The following PHF21B variants were observed in gnomAD, a reference collection of about 807,000 sequenced individuals.
PHF21B encodes the protein PHD finger protein 4.
A neutral mutation model predicts 62.2 loss-of-function variants in PHF21B; 22 were observed. That is an observed-to-expected ratio of 0.35 (90% CI 0.25 to 0.51). PHF21B has a LOEUF of 0.51. Among genes scored for constraint, PHF21B ranks in the 20% least tolerant of loss-of-function variants. The probability of loss-of-function intolerance (pLI) is 0.97; values close to 1 mark genes in which losing one functional copy is unlikely to be tolerated. For synonymous variants in PHF21B, 341 were observed against 314.7 expected, an observed-to-expected ratio of 1.08 and a Z score of -0.88; for missense variants, 701 against 707.9, an observed-to-expected ratio of 0.99 and a Z score of 0.11.
intron 5 of PHF21B, among the ~76,000 whole-genome samples, chr22:44,899,667 CTCT>C (rs1232888654): frequency 1.3e-5 from 2 of 151,754 alleles, no homozygotes; most frequent in Non-Finnish European, 2.9e-5. Flanking sequence ...CTTCCTTCTC[CTCT>C]TCTTCTGTCT....
chr22:44,896,634 T>C (rs534374775), intron 5 of PHF21B, among the ~76,000 whole-genome samples: 46 of 152,332 alleles, frequency 3.0e-4, no homozygotes, highest in African/African-American at 9.9e-4. Context: ...TAATAATAAA[T>C]TGAACATCAT....
chr22:44,922,031 G>C (rs965288032), intron 2 of PHF21B, among the ~76,000 whole-genome samples: 1 of 152,198 alleles, frequency 6.6e-6, no homozygotes, highest in South Asian at 2.1e-4. Context: ...GGAACCCCTT[G>C]CTCAGATCCA....
intron 5 of PHF21B, among the ~76,000 whole-genome samples, chr22:44,903,507 G>A (rs2147277487): frequency 2.0e-5 from 3 of 152,186 alleles, no homozygotes; most frequent in Middle Eastern, 6.8e-3. Flanking sequence ...GTTTATAGGG[G>A]ATGCAGGGGG....
intron 6 of PHF21B, among the ~76,000 whole-genome samples, 186 bp downstream of exon 6, chr22:44,895,846 G>C (rs1431868717): frequency 6.6e-6 from 1 of 152,180 alleles, no homozygotes; most frequent in Non-Finnish European, 1.5e-5. Context: ...CTGCGAGGTG[G>C]TTTATACACA....
At chr22:44,913,374 C>G (rs747819488) in intron 5 of PHF21B, among the ~76,000 whole-genome samples, 1 of 152,142 alleles carries the variant, frequency 6.6e-6, no homozygotes. Context: ...GGCCCATAGC[C>G]GGGGCCCCTA....
chr22:44,918,524 C>T (rs1017141331), intron 3 of PHF21B, among the ~76,000 whole-genome samples: 2 of 152,204 alleles, frequency 1.3e-5, no homozygotes, highest in Non-Finnish European at 2.9e-5. Context: ...GGGAAGCCCC[C>T]GGGTCCACCC....
Position 44,916,632 on chromosome 22 carries a change from TG to T in PHF21B, c.214-3del. ...TGGAATCAGAGTCTTTGGCCTAACC[TG>T]GGAAGAAGGGACAGGTATGTGGTCA... is the stretch of plus-strand genomic sequence containing the variant. On this transcript the variant is annotated splice_polypyrimidine_tract_variant and splice_region_variant and intron_variant, in intron 3 of 12. Coordinates refer to ENST00000313237, the MANE Select transcript of PHF21B (RefSeq NM_138415.5). The T allele has an allele frequency of 1.2e-6, 2 of 1,600,242 alleles. No individual in the cohort carries two copies. Among genetic ancestry groups the T allele is most frequent in the Non-Finnish European group, 1.7e-6 (2 of 1,179,680 alleles).
Position 44,883,168 on chromosome 22 carries a change from G to A in PHF21B, c.1514C>T (p.Ala505Val), listed in dbSNP as rs1320665362. The A allele has an allele frequency of 1.2e-6, 2 of 1,613,254 alleles. No individual in the cohort carries two copies. Among genetic ancestry groups the A allele is most frequent in the Non-Finnish European group, 1.7e-6 (2 of 1,179,970 alleles). Residue 505 changes from alanine to valine, a missense_variant, in exon 13 of 13, where the codon GCC becomes GTC. By Grantham distance (64) the Ala-to-Val change is moderately conservative (BLOSUM62 0). Coordinates refer to ENST00000313237, the MANE Select transcript of PHF21B (RefSeq NM_138415.5). The part of the protein sequence containing the change: ...LQVTMTTTSP[A>V]PLLAGPWTKP... ...GGTCCAGGGCCCGGCCAGCAGTGGG[G>A]CAGGGCTAGTGGTCGTCATGGTGAC...
rs557840596 is a variant in PHF21B, at chr22:44,933,644, G to A, written c.121-13154C>T. ...TGGGGTGGGGGAGCCGTCTGAGGTT[G>A]GTCACGCACCTCCATGCCTAGTTCA... is the stretch of plus-strand genomic sequence containing the variant. On this transcript the variant is annotated intron_variant, in intron 2 of 12. Transcript: ENST00000313237. 243 of 455,098 alleles carry A rather than the reference G, an allele frequency of 5.3e-4. 1 individual carries two copies. In the Middle Eastern group the frequency reaches 7.7e-3, roughly 15 times the overall value. 28.2% of individuals were successfully genotyped at this position (455,098 alleles called of 1,614,324 possible).
At chr22:44,907,738 C>T (rs181992668) in intron 5 of PHF21B, among the ~76,000 whole-genome samples, 2 of 152,298 alleles carry the variant, frequency 1.3e-5, no homozygotes, top group East Asian at 3.9e-4. Context: ...CACGCTGAAA[C>T]AGACGGTAAA....
At chr22:44,915,750 C>G (rs1207262805) in intron 4 of PHF21B, among the ~76,000 whole-genome samples, 1 of 152,198 alleles carries the variant, frequency 6.6e-6, no homozygotes, top group African/African-American at 2.4e-5. Flanking sequence ...TGAGGCAGCC[C>G]CGAAGGCCTC....
rs934180331 is a variant in PHF21B at position 44,925,078 on chromosome 22, T to C, written c.121-4588A>G. ...AATATCCATACTGTATGATGCTAGTTATACGAAATTCTGAAAATGGCAAAC... is the reference window on the plus strand; with the variant it reads ...AATATCCATACTGTATGATGCTAGTCATACGAAATTCTGAAAATGGCAAAC... On this transcript the variant is annotated intron_variant, in intron 2 of 12. Transcript: ENST00000313237. Among the ~76,000 whole-genome samples the C allele has an allele frequency of 4.6e-5, 7 of 152,218 alleles. No homozygotes were observed. In the South Asian group the frequency reaches 1.4e-3, roughly 32 times the overall value.
At chr22:44,915,805 C>T (rs536834189) in intron 4 of PHF21B, among the ~76,000 whole-genome samples, 2 of 152,254 alleles carry the variant, frequency 1.3e-5, no homozygotes, top group African/African-American at 4.8e-5. Context: ...AGCGGGAGGA[C>T]CTTAGTTTTA....
rs1409926630 is a variant in PHF21B, at chr22:45,009,173, C to T, written c.54+323G>A. ...GCCGGAAGGGGGCCTATTCGCACTCCCCTCCCCGGGACCGGCTCACGAAGG... is the reference window on the plus strand; with the variant it reads ...GCCGGAAGGGGGCCTATTCGCACTCTCCTCCCCGGGACCGGCTCACGAAGG... On this transcript the variant is annotated intron_variant, in intron 1 of 12. Coordinates refer to ENST00000313237, the MANE Select transcript of PHF21B (RefSeq NM_138415.5). This position sits in a 1 kb window ranked among gnomAD's most constrained non-coding sequence, Gnocchi z 5.9. 3 of 447,458 alleles carry T rather than the reference C, an allele frequency of 6.7e-6. No homozygotes were observed. Among genetic ancestry groups the T allele is most frequent in the African/African-American group, 6.2e-5 (3 of 48,584 alleles). The allele number at this position is 447,458 out of a possible 1,614,324, so 27.7% of individuals were successfully genotyped here. A position where few individuals can be genotyped will look rare whatever the true frequency, so the allele number is the denominator to read the frequency against.
At chr22:44,982,336 C>T (rs896981857) in intron 2 of PHF21B, among the ~76,000 whole-genome samples, 3 of 152,264 alleles carry the variant, frequency 2.0e-5, no homozygotes, top group Admixed American at 6.5e-5. Context: ...ACGACAAGAT[C>T]ATGACTGAGC....
intron 2 of PHF21B, among the ~76,000 whole-genome samples, chr22:44,969,558 C>T (rs184278560): frequency 3.3e-5 from 5 of 152,056 alleles, no homozygotes; most frequent in Non-Finnish European, 5.9e-5. Flanking sequence ...CCCAGCTACT[C>T]GGGAGGCTGA....
At chr22:44,971,649 T>C (rs2072640568) in intron 2 of PHF21B, among the ~76,000 whole-genome samples, 1 of 152,170 alleles carries the variant, frequency 6.6e-6, no homozygotes, top group African/African-American at 2.4e-5. Context: ...CGGCTCTCTC[T>C]CTCCCTTCCC....
intron 2 of PHF21B, among the ~76,000 whole-genome samples, chr22:44,983,709 A>G (rs904319050): frequency 6.6e-6 from 1 of 152,224 alleles, no homozygotes; most frequent in African/African-American, 2.4e-5. Flanking sequence ...ATCACATAAA[A>G]TGTTAAATGG....
intron 2 of PHF21B, among the ~76,000 whole-genome samples, chr22:44,953,844 T>C (rs930533365): frequency 1.3e-5 from 2 of 152,260 alleles, no homozygotes; most frequent in African/African-American, 4.8e-5. Flanking sequence ...AACAACTCTA[T>C]GTAAAGGCAT....
Sources: allele counts gnomAD v4.1 joint callset (sites outside exome capture counted in the v4.1 genomes callset), GRCh38; gene constraint gnomAD v4.1.1; non-coding constraint Gnocchi (gnomAD v3.1); transcripts MANE v1.5; gene names NCBI Gene and HGNC (gene_info 2026-07-23, HGNC 2026-07-21).